PDIA2: variants seen among roughly 807,000 people sequenced by gnomAD.
PDIA2 encodes the protein protein disulfide-isomerase A2.
In PDIA2, 76 loss-of-function variants were observed where a neutral mutation model predicts 51.1. The ratio of observed to expected loss-of-function variants is 1.49; its 90% CI spans 1.24 to 1.80. The LOEUF is 1.80. Ranked by LOEUF, PDIA2 falls within the 40% of genes most tolerant of loss-of-function variation. PDIA2 has a pLI of 0.00. For synonymous variants in PDIA2, 429 were observed against 309.9 expected (o/e 1.38, Z -4.04); for missense variants, 946 against 706.5 (o/e 1.34, Z -3.84).
At position 285,367 on chromosome 16, in the gene PDIA2, A is replaced by C. The variant is rs1339170178; in HGVS notation, c.851A>C (p.Asn284Thr). 3 of 1,598,226 alleles carry C rather than the reference A, an allele frequency of 1.9e-6. No individual in the cohort carries two copies. In the African/African-American group the frequency reaches 4.1e-5, roughly 22 times the overall value. ...RILNHLLLFV[N>T]QTLAAHRELL... ...CTCAACCACCTGCTGCTGTTTGTCAACCAGACGCTGGCTGCGCACCGGGAG... is the reference window on the plus strand; with the variant it reads ...CTCAACCACCTGCTGCTGTTTGTCACCCAGACGCTGGCTGCGCACCGGGAG... The change falls in exon 6 of 11, where the codon AAC (asparagine) becomes ACC (threonine). Residue 284 changes from asparagine to threonine, a missense_variant. By Grantham distance (65) the Asn-to-Thr change is moderately conservative (BLOSUM62 0). Coordinates refer to ENST00000219406, the MANE Select transcript of PDIA2 (RefSeq NM_006849.4).
At chr16:283,502 G>A (rs1453256581) in intron 1 of PDIA2, 134 bp downstream of exon 1, 2 of 964,034 alleles carry the variant, frequency 2.1e-6, no homozygotes, top group Non-Finnish European at 3.0e-6. Context: ...CCCCCACTGT[G>A]CCCAGGAGCT....
intron 10 of PDIA2, 30 bp from the exon 11 acceptor site, chr16:287,039 G>T: frequency 6.2e-7 from 1 of 1,612,732 alleles, no homozygotes; most frequent in African/African-American, 1.3e-5. Flanking sequence ...TGGGAGCAGA[G>T]CTTCGAGCTG....
Position 283,341 on chromosome 16 carries a change from G to A in PDIA2, c.172G>A (p.Glu58Lys). 6.2e-7 allele frequency: 1 copy of A among 1,607,346 alleles called. No individual in the cohort carries two copies. Among genetic ancestry groups the A allele is most frequent in the Non-Finnish European group, 8.5e-7 (1 of 1,177,360 alleles). Residue 58 changes from glutamate (E) to lysine (K), a missense_variant, in exon 1 of 11, where the codon GAG becomes AAG. Coordinates refer to ENST00000219406, the MANE Select transcript of PDIA2 (RefSeq NM_006849.4). ...CCACACCCTGGGCCTGGCCCTGCGG[G>A]AGCACCCTGCCCTGCTGGTGGAATT... ...SRHTLGLALR[E>K]HPALLVEFYA...
rs767407865 is a variant in PDIA2 at position 285,078 on chromosome 16, G to A, written c.679-6G>A. ...AGCGCCCGCTAACCCACCTGCTGCT[G>A]TCCAGTTTGATGAGGGGCGGGCAGA... is the stretch of plus-strand genomic sequence containing the variant. On this transcript the variant is annotated splice_polypyrimidine_tract_variant and splice_region_variant and intron_variant, in intron 4 of 10. Coordinates refer to ENST00000219406, the MANE Select transcript of PDIA2 (RefSeq NM_006849.4). 6.2e-7 allele frequency: 1 copy of A among 1,612,914 alleles called. No homozygotes were observed. The highest frequency in any genetic ancestry group is 8.5e-7 in the Non-Finnish European group (1 of 1,179,774).
Position 286,667 on chromosome 16 carries a change from G to T in PDIA2, c.1354G>T (p.Glu452Ter), listed in dbSNP as rs371087103. 6.2e-7 allele frequency: 1 copy of T among 1,612,790 alleles called. No homozygotes were observed. The highest frequency in any genetic ancestry group is 8.5e-7 in the Non-Finnish European group (1 of 1,179,888). ...TGCTGAGCTGGATGCCACGGCCAAC[G>T]AGCTGGATGCCTTCGCTGTGCACGG... ...IIAELDATAN[E>*]LDAFAVHGFP... The change falls in exon 9 of 11, where the codon GAG (glutamate) becomes TAG (stop). Residue 452 changes from glutamate to a stop codon, truncating the protein, a stop_gained. Coordinates refer to ENST00000219406, the MANE Select transcript of PDIA2 (RefSeq NM_006849.4). LOFTEE classifies it high-confidence loss of function.
intron 7 of PDIA2, 108 bp downstream of exon 7, chr16:285,811 G>A (rs373215357): frequency 3.9e-5 from 48 of 1,241,952 alleles, no homozygotes; most frequent in Admixed American, 2.1e-4. Flanking sequence ...TGCAGGCCCC[G>A]CAGAGGCCCC....
At chr16:285,051 G>T in intron 4 of PDIA2, 33 bp from the exon 5 acceptor site, 3 of 1,613,146 alleles carry the variant, frequency 1.9e-6, no homozygotes, top group Non-Finnish European at 2.5e-6. Context: ...GGGTCCGGCT[G>T]CAGCGCCCGC....
chr16:285,545 C>T lies in PDIA2; in HGVS notation c.961C>T (p.His321Tyr), dbSNP rs1333536958. ...GGTGGACGTGGCGGCCGACAATGAG[C>T]ACGTGCTGCAGTACTTTGGACTCAA... ...VVVDVAADNE[H>Y]VLQYFGLKAE... Residue 321 changes from histidine to tyrosine, a missense_variant, in exon 7 of 11, where the codon CAC becomes TAC. By Grantham distance (83) the His-to-Tyr change is moderately conservative. Coordinates refer to ENST00000219406, the MANE Select transcript of PDIA2 (RefSeq NM_006849.4). 2 of 1,613,020 alleles carry T rather than the reference C, an allele frequency of 1.2e-6. No individual in the cohort carries two copies. The highest frequency in any genetic ancestry group is 4.5e-5 in the East Asian group (2 of 44,882).
Position 286,433 on chromosome 16 carries a change from G to T in PDIA2, c.1200G>T (p.Gln400His). Reference protein sequence around the residue: ...VKTLVGKNFEQVAFDETKNVF... With the variant: ...VKTLVGKNFEHVAFDETKNVF... ...CCCTCGTGGGCAAGAATTTTGAGCA[G>T]GTGGCTTTTGACGAAACCAAGAATG... The change falls in exon 8 of 11, where the codon CAG becomes CAT. Residue 400 changes from glutamine to histidine, a missense_variant. By Grantham distance (24) the Gln-to-His change is conservative. Transcript: ENST00000219406. 6.2e-7 allele frequency: 1 copy of T among 1,613,018 alleles called. No individual in the cohort carries two copies. The highest frequency in any genetic ancestry group is 8.5e-7 in the Non-Finnish European group (1 of 1,179,888).
Position 284,714 on chromosome 16 carries a change from T to C in PDIA2, c.462T>C (p.Ser154=). 2.5e-6 allele frequency: 4 copies of C among 1,575,076 alleles called. No homozygotes were observed. The highest frequency in any genetic ancestry group is 3.4e-6 in the Non-Finnish European group (4 of 1,165,798). The change falls in exon 3 of 11, where the codon AGT becomes AGC. Residue 154 remains serine (S), a synonymous_variant. Transcript: ENST00000219406. ...AEWLRRRVGP[S]AMRLEDEAAA... Reference sequence around the variant, plus strand: ...GGCTGCGACGGCGGGTGGGGCCCAGTGCCATGCGGCTGGAGGACGAGGCGG... The same window carrying C: ...GGCTGCGACGGCGGGTGGGGCCCAGCGCCATGCGGCTGGAGGACGAGGCGG...
Position 285,445 on chromosome 16 carries a change from G to A in PDIA2, c.921+8G>A. 6.2e-7 allele frequency: 1 copy of A among 1,611,412 alleles called. No individual in the cohort carries two copies. The highest frequency in any genetic ancestry group is 8.5e-7 in the Non-Finnish European group (1 of 1,179,562). Reference sequence around the variant, plus strand: ...CCCCGCTTCCGGGGGCAGGTACTGGGGGGCTGGGGGAAAGGGGCAGCGGGA... The same window carrying A: ...CCCCGCTTCCGGGGGCAGGTACTGGAGGGCTGGGGGAAAGGGGCAGCGGGA... On this transcript the variant is annotated splice_region_variant and intron_variant, in intron 6 of 10. Coordinates refer to ENST00000219406, the MANE Select transcript of PDIA2 (RefSeq NM_006849.4).
In PDIA2 at chr16:284,643, G is replaced by T; in HGVS notation, c.407-16G>T. Reference sequence around the variant, plus strand: ...GGGGCGGTGGCCAGGCCGAGGCTGAGGGGGACTCCCTGCAGGACCACGGGA... The same window carrying T: ...GGGGCGGTGGCCAGGCCGAGGCTGATGGGGACTCCCTGCAGGACCACGGGA... On this transcript the variant is annotated splice_polypyrimidine_tract_variant and intron_variant, in intron 2 of 10. Coordinates refer to ENST00000219406, the MANE Select transcript of PDIA2 (RefSeq NM_006849.4). 1.2e-6 allele frequency: 2 copies of T among 1,600,828 alleles called. No homozygotes were observed. The highest frequency in any genetic ancestry group is 8.5e-7 in the Non-Finnish European group (1 of 1,177,518).
Position 286,606 on chromosome 16 carries a change from G to A in PDIA2, c.1293G>A (p.Leu431=). Residue 431 remains leucine, a synonymous_variant, in exon 9 of 11, where the codon TTG becomes TTA. Coordinates refer to ENST00000219406, the MANE Select transcript of PDIA2 (RefSeq NM_006849.4). The part of the protein sequence containing the change: ...CKEMAPAWEA[L]AEKYQDHEDI... The stretch of plus-strand genomic sequence containing the variant: ...AGATGGCCCCTGCCTGGGAGGCATT[G>A]GCTGAGAAGTACCAAGACCACGAGG... 1 of 1,612,852 alleles carries A rather than the reference G, an allele frequency of 6.2e-7. No individual in the cohort carries two copies.
chr16:286,220 G>GCCCCCCCCACACAGAACCT, intron 7 of PDIA2, 133 bp from the exon 8 acceptor site: 1 of 2,404 alleles, frequency 4.2e-4, no homozygotes, highest in African/African-American at 3.1e-3. Context: ...CCCCCCCACC[G>GCCCCCCCCACACAGAACCT]CCCCCCCCAC....
intron 1 of PDIA2, 135 bp from the exon 2 acceptor site, chr16:284,252 T>C (rs779205137): frequency 5.8e-5 from 52 of 897,910 alleles, no homozygotes; most frequent in Non-Finnish European, 8.6e-5. Flanking sequence ...GAAGAGGCAC[T>C]GGTGCTCGGC....
intron 7 of PDIA2, 69 bp from the exon 8 acceptor site, chr16:286,282 CAG>C: frequency 2.5e-6 from 3 of 1,193,492 alleles, no homozygotes; most frequent in Non-Finnish European, 3.3e-6. Flanking sequence ...CCCCACCCCC[CAG>C]GCCCTGCACA....
At position 284,466 on chromosome 16, in the gene PDIA2, G is replaced by A. The variant is rs2052326377; in HGVS notation, c.279G>A (p.Met93Ile). The change falls in exon 2 of 11, where the codon ATG becomes ATA. Residue 93 changes from methionine to isoleucine, a missense_variant. Met to Ile is a conservative substitution (Grantham distance 10). Transcript: ENST00000219406. ...CTGCCGTGCTCGCGGCCGAGTCAAT[G>A]GTGGTCACGCTGGCCAAGGTGGATG... Reference protein sequence around the residue: ...KAAAVLAAESMVVTLAKVDGP... With the variant: ...KAAAVLAAESIVVTLAKVDGP... 3 of 1,605,126 alleles carry A rather than the reference G, an allele frequency of 1.9e-6. No individual in the cohort carries two copies. The highest frequency in any genetic ancestry group is 2.5e-6 in the Non-Finnish European group (3 of 1,176,908).
At chr16:284,360 T>A in intron 1 of PDIA2, 27 bp from the exon 2 acceptor site, 1 of 1,534,070 alleles carries the variant, frequency 6.5e-7, no homozygotes, top group Non-Finnish European at 8.7e-7. Flanking sequence ...TGTGGTGGCC[T>A]GGGGCACTCA....
At chr16:285,825 C>T (rs2052350531) in intron 7 of PDIA2, 122 bp downstream of exon 7, 3 of 1,115,808 alleles carry the variant, frequency 2.7e-6, no homozygotes, top group African/African-American at 3.2e-5. Flanking sequence ...AGGCCCCCCT[C>T]AACCCGGCAA....
Sources: allele counts gnomAD v4.1 joint callset, GRCh38; gene constraint gnomAD v4.1.1; transcripts MANE v1.5; gene names NCBI Gene and HGNC (gene_info 2026-07-23, HGNC 2026-07-21).